Variants in TMX1 observed in about 807,000 individuals in gnomAD.
TMX1 encodes the protein thioredoxin-related transmembrane protein 1.
A neutral mutation model predicts 36.6 loss-of-function variants in TMX1; 25 were observed. The ratio of observed to expected loss-of-function variants is 0.68; its 90% CI spans 0.50 to 0.95. TMX1 has a LOEUF of 0.95. Among genes scored for constraint, TMX1 ranks in the 40% least tolerant of loss-of-function variants. The probability of loss-of-function intolerance (pLI) is 0.00; values close to 1 mark genes in which losing one functional copy is unlikely to be tolerated. For synonymous variants in TMX1, 133 were observed against 118.0 expected (o/e 1.13, Z -0.82); for missense variants, 347 against 339.6 (o/e 1.02, Z -0.17).
At chr14:51,248,286 G>A (rs1051201923) in intron 4 of TMX1, among the ~76,000 whole-genome samples, 2 of 152,176 alleles carry the variant, frequency 1.3e-5, no homozygotes, top group African/African-American at 2.4e-5. Context: ...ATCCTGTGTG[G>A]CCATCTGTCT....
At position 51,245,217 on chromosome 14, in the gene TMX1, C is replaced by T. The variant is rs146294571; in HGVS notation, c.269-96C>T. Reference sequence around the variant, plus strand: ...CAACTATTAGGTATAATTTCATATTCTTTCCTATTAGTATGTATTTAAATA... The same window carrying T: ...CAACTATTAGGTATAATTTCATATTTTTTCCTATTAGTATGTATTTAAATA... On this transcript the variant is annotated intron_variant, in intron 2 of 7. Transcript: ENST00000457354. 2.4e-3 allele frequency: 3,272 copies of T among 1,363,488 alleles called. 16 individuals are homozygous for T. Among genetic ancestry groups the T allele is most frequent in the South Asian group, 0.011 (864 of 79,910 alleles). 84.5% of individuals were successfully genotyped at this position (1,363,488 alleles called of 1,614,324 possible). A position where few individuals can be genotyped will look rare whatever the true frequency, so the allele number is the denominator to read the frequency against.
chr14:51,242,200 A>G (rs1189814068), intron 1 of TMX1, among the ~76,000 whole-genome samples: 1 of 152,210 alleles, frequency 6.6e-6, no homozygotes, highest in East Asian at 1.9e-4. Flanking sequence ...GTAGTCTGCA[A>G]TTCTGAAATG....
chr14:51,242,151 A>G (rs2065764930), intron 1 of TMX1, among the ~76,000 whole-genome samples: 1 of 152,064 alleles, frequency 6.6e-6, no homozygotes, highest in Non-Finnish European at 1.5e-5. Context: ...GAACATTTAT[A>G]TGGAGGGTAA....
intron 4 of TMX1, among the ~76,000 whole-genome samples, chr14:51,248,047 C>T (rs1273378235): frequency 1.3e-5 from 2 of 152,242 alleles, no homozygotes; most frequent in Non-Finnish European, 2.9e-5. Flanking sequence ...TGTCTGATAA[C>T]TTCTTATATG....
intron 4 of TMX1, 84 bp from the exon 5 acceptor site, chr14:51,249,242 G>T: frequency 8.8e-7 from 1 of 1,141,234 alleles, no homozygotes; most frequent in Non-Finnish European, 1.2e-6. Flanking sequence ...CTGTCATATT[G>T]GGGAAATTAT....
chr14:51,243,861 C>G lies in TMX1; in HGVS notation c.158C>G (p.Ala53Gly). ...LEGDWMIEFYAPWCPACQNLQ... is the reference protein window; with the variant it reads ...LEGDWMIEFYGPWCPACQNLQ... ...AAAAAATCTGTATTTCTTAGTTATG[C>G]CCCGTGGTGCCCTGCTTGTCAAAAT... The change falls in exon 2 of 8, where the codon GCC becomes GGC. Residue 53 changes from alanine (A) to glycine (G), a missense_variant. Ala to Gly is a moderately conservative substitution (Grantham distance 60, BLOSUM62 0). Transcript: ENST00000457354. The G allele has an allele frequency of 1.9e-6, 3 of 1,605,492 alleles. No individual in the cohort carries two copies. The highest frequency in any genetic ancestry group is 2.6e-6 in the Non-Finnish European group (3 of 1,176,052).
Position 51,254,769 on chromosome 14 carries a change from A to G in TMX1, c.*250A>G, listed in dbSNP as rs776916538. 1.7e-5 allele frequency: 5 copies of G among 293,456 alleles called. No homozygotes were observed. The highest frequency in any genetic ancestry group is 2.5e-5 in the Non-Finnish European group (4 of 161,332). 18.2% of individuals were successfully genotyped at this position (293,456 alleles called of 1,614,324 possible). ...AAAATCGTGCCAAGCAATAAGATTT[A>G]TGTATATTTGTTTAATAATAACCTA... On this transcript the variant is annotated 3_prime_UTR_variant, in exon 8 of 8. Transcript: ENST00000457354.
Position 51,247,126 on chromosome 14 carries a change from C to G in TMX1, c.349C>G (p.Pro117Ala). ...TGGTGAATTTAGGCGCTATCAGGGT[C>G]CAAGGACTAAGAAGGACTTCATAAA... The part of the protein sequence containing the change: ...KDGEFRRYQG[P>A]RTKKDFINFI... The change falls in exon 4 of 8, where the codon CCA (proline) becomes GCA (alanine). Residue 117 changes from proline (P) to alanine (A), a missense_variant. Physicochemically the swap from Pro to Ala is conservative, Grantham distance 27. Coordinates refer to ENST00000457354, the MANE Select transcript of TMX1 (RefSeq NM_030755.5). The G allele has an allele frequency of 6.2e-7, 1 of 1,612,032 alleles. No individual in the cohort carries two copies.
At chr14:51,245,118 A>G (rs967504675) in intron 2 of TMX1, among the ~76,000 whole-genome samples, 195 bp from the exon 3 acceptor site, 5 of 152,228 alleles carry the variant, frequency 3.3e-5, no homozygotes, top group African/African-American at 1.2e-4. Context: ...TTTAACTGAG[A>G]TAATGTGCAG....
At chr14:51,249,853 T>C (rs2065803857) in intron 7 of TMX1, 88 bp downstream of exon 7, 1 of 1,019,776 alleles carries the variant, frequency 9.8e-7, no homozygotes, top group Non-Finnish European at 1.4e-6. Context: ...AGGTTGCTCT[T>C]CCAGCTTAGA....
At position 51,249,676 on chromosome 14, in the gene TMX1, A is replaced by G. The variant is rs1321343926; in HGVS notation, c.592-17A>G. ...TATATTCTACATTCAGATTTCTTAC[A>G]ATGTTTATTTTTACAGTGTATGATA... On this transcript the variant is annotated splice_polypyrimidine_tract_variant and intron_variant, in intron 6 of 7. Coordinates refer to ENST00000457354, the MANE Select transcript of TMX1 (RefSeq NM_030755.5). The G allele has an allele frequency of 6.2e-7, 1 of 1,609,262 alleles. No individual in the cohort carries two copies. The highest frequency in any genetic ancestry group is 8.5e-7 in the Non-Finnish European group (1 of 1,178,188).
rs775692364 is a variant in TMX1 at position 51,249,416 on chromosome 14, A to T, written c.489+45A>T. On this transcript the variant is annotated intron_variant, in intron 5 of 7. Coordinates refer to ENST00000457354, the MANE Select transcript of TMX1 (RefSeq NM_030755.5). ...TATCTTAAACATTTTTACCACTATCACTTTAACAAAAATGAACAGATTTTT... is the reference window on the plus strand; with the variant it reads ...TATCTTAAACATTTTTACCACTATCTCTTTAACAAAAATGAACAGATTTTT... The T allele has an allele frequency of 5.5e-5, 88 of 1,591,274 alleles. 1 individual carries two copies. The South Asian group carries it at 7.7e-4, about 14-fold the overall frequency.
At position 51,246,948 on chromosome 14, in the gene TMX1, A is replaced by G. The variant is rs539395506; in HGVS notation, c.315-144A>G. 58 of 608,132 alleles carry G rather than the reference A, an allele frequency of 9.5e-5. No homozygotes were observed. In the South Asian group the frequency reaches 1.8e-3, roughly 18 times the overall value. The allele number at this position is 608,132 out of a possible 1,614,324, so 37.7% of individuals were successfully genotyped here. On this transcript the variant is annotated intron_variant, in intron 3 of 7. Coordinates refer to ENST00000457354, the MANE Select transcript of TMX1 (RefSeq NM_030755.5). ...GGGGCTAAAATGTCATGAGTAGGTAAATAGTATAATTTGCTATTAATACTT... is the reference window on the plus strand; with the variant it reads ...GGGGCTAAAATGTCATGAGTAGGTAGATAGTATAATTTGCTATTAATACTT...
At chr14:51,240,585 A>C in intron 1 of TMX1, 141 bp downstream of exon 1, 1 of 1,264,666 alleles carries the variant, frequency 7.9e-7, no homozygotes, top group Non-Finnish European at 1.1e-6. Flanking sequence ...GCAGCTCCCC[A>C]AACTCTTGGG....
At chr14:51,243,596 C>T (rs1224588858) in intron 1 of TMX1, among the ~76,000 whole-genome samples, 2 of 152,154 alleles carry the variant, frequency 1.3e-5, no homozygotes, top group African/African-American at 2.4e-5. Context: ...TTCTAAAGAG[C>T]TGTTTTGCAT....
intron 1 of TMX1, among the ~76,000 whole-genome samples, chr14:51,241,597 G>A (rs886927515): frequency 6.6e-6 from 1 of 152,140 alleles, no homozygotes; most frequent in Non-Finnish European, 1.5e-5. Flanking sequence ...TGGAAGTGGC[G>A]TACGCTACCC....
chr14:51,241,680 G>A (rs1372290311), intron 1 of TMX1, among the ~76,000 whole-genome samples: 1 of 152,120 alleles, frequency 6.6e-6, no homozygotes, highest in Non-Finnish European at 1.5e-5. Context: ...AAATAAATAA[G>A]TAAATAAATA....
chr14:51,240,466 T>TC, intron 1 of TMX1, 22 bp downstream of exon 1: 2 of 1,610,100 alleles, frequency 1.2e-6, no homozygotes, highest in Non-Finnish European at 1.7e-6. Flanking sequence ...GCGGCCAGGG[T>TC]CCTACGTCCG....
At chr14:51,246,140 C>T (rs189100417) in intron 3 of TMX1, among the ~76,000 whole-genome samples, 13 of 152,088 alleles carry the variant, frequency 8.5e-5, no homozygotes, top group East Asian at 5.8e-4. Flanking sequence ...AATTTCTGTT[C>T]GCTGTCTCCA....
Sources: gnomAD v4.1 joint callset for allele counts (sites outside exome capture counted in the v4.1 genomes callset) on GRCh38, gnomAD v4.1.1 for gene constraint, MANE v1.5 for transcripts, NCBI Gene and HGNC (gene_info 2026-07-23, HGNC 2026-07-21) for gene names.